Variants in RBFOX1 observed in about 807,000 individuals in gnomAD.
RBFOX1 encodes RNA binding protein fox-1 homolog 1.
A neutral mutation model predicts 57.7 loss-of-function variants in RBFOX1; 8 were observed. The observed-to-expected ratio is 0.14, with a 90% CI of 0.08 to 0.25. RBFOX1 has a LOEUF of 0.25. RBFOX1 is among the 10% of genes least tolerant of loss of function. The pLI is 1.00. For synonymous variants in RBFOX1, 326 were observed against 222.4 expected (o/e 1.47, Z -4.15); for missense variants, 611 against 548.5 (o/e 1.11, Z -1.14).
At chr16:6,007,556 G>C (rs1190734700) in intron 4 of RBFOX1, among the ~76,000 whole-genome samples, 1 of 152,210 alleles carries the variant, frequency 6.6e-6, no homozygotes, top group East Asian at 1.9e-4. Context: ...CTGACCCATA[G>C]GCACTGTGAG....
At chr16:5,727,468 C>T (rs1024931784) in intron 3 of RBFOX1, among the ~76,000 whole-genome samples, 36 of 152,108 alleles carry the variant, frequency 2.4e-4, no homozygotes, top group Non-Finnish European at 2.5e-4. Flanking sequence ...TACCCATTAC[C>T]TGACATAGTT....
chr16:7,581,709 C>T (rs540275797), intron 6 of RBFOX1, among the ~76,000 whole-genome samples: 8 of 152,174 alleles, frequency 5.3e-5, no homozygotes, highest in Admixed American at 4.6e-4. Flanking sequence ...TCCAAATCTA[C>T]TAGTTTCAGG....
rs186211049 is a variant in RBFOX1, at chr16:6,013,600, G to C, written c.351+146265G>C. On this transcript the variant is annotated intron_variant, in intron 4 of 19. Coordinates refer to the RBFOX1 transcript ENST00000641259. ...TCTGACACAAAACTGACTAAGTTTT[G>C]AGTCCCACTCTAACCACTAGCCAGC... Among the ~76,000 whole-genome samples the C allele has an allele frequency of 1.8e-3, 281 of 152,250 alleles. 3 individuals carry two copies. The highest frequency in any genetic ancestry group is 0.012 in the South Asian group (56 of 4,828).
At chr16:7,248,801 T>C (rs1475202971) in intron 4 of RBFOX1, among the ~76,000 whole-genome samples, 2 of 152,220 alleles carry the variant, frequency 1.3e-5, no homozygotes, top group African/African-American at 2.4e-5. Context: ...GAAAATGCTA[T>C]TTATAACAGT....
At chr16:5,273,988 A>T (rs1483690060) in intron 1 of RBFOX1, among the ~76,000 whole-genome samples, 2 of 152,190 alleles carry the variant, frequency 1.3e-5, no homozygotes, top group African/African-American at 2.4e-5. Context: ...GACATTTCCT[A>T]CATCCGGGTG....
At chr16:5,781,956 A>G (rs1432044973) in intron 3 of RBFOX1, among the ~76,000 whole-genome samples, 3 of 152,378 alleles carry the variant, frequency 2.0e-5, no homozygotes, top group South Asian at 2.1e-4. Flanking sequence ...CTGTAATCCC[A>G]GCACTTAGGG....
At chr16:7,311,076 CT>C (rs1002818482) in intron 4 of RBFOX1, among the ~76,000 whole-genome samples, 1 of 151,960 alleles carries the variant, frequency 6.6e-6, no homozygotes, top group Non-Finnish European at 1.5e-5. Flanking sequence ...CTTTGTGATG[CT>C]TTTTTTTCCA....
chr16:6,641,578 T>C (rs1013485557), intron 2 of RBFOX1, among the ~76,000 whole-genome samples: 11 of 151,572 alleles, frequency 7.3e-5, no homozygotes, highest in African/African-American at 2.7e-4. Context: ...CTACTAGAAA[T>C]ACAAAAGTTA....
intron 4 of RBFOX1, among the ~76,000 whole-genome samples, chr16:5,923,071 C>G (rs550321063): frequency 1.3e-5 from 2 of 152,142 alleles, no homozygotes; most frequent in Non-Finnish European, 2.9e-5. Flanking sequence ...TCACATTAAC[C>G]TCTTCCGCTG....
At chr16:5,860,930 G>A (rs1241596455) in intron 3 of RBFOX1, among the ~76,000 whole-genome samples, 3 of 152,180 alleles carry the variant, frequency 2.0e-5, no homozygotes, top group Admixed American at 2.0e-4. Flanking sequence ...GAGAGAGAAA[G>A]CTTCATTCTC....
intron 2 of RBFOX1, among the ~76,000 whole-genome samples, chr16:6,582,253 T>A (rs545485350): frequency 6.6e-6 from 1 of 152,232 alleles, no homozygotes; most frequent in Non-Finnish European, 1.5e-5. Context: ...GCTCATTGAA[T>A]TTATGATTAG....
chr16:5,792,303 A>G (rs953783474), intron 3 of RBFOX1, among the ~76,000 whole-genome samples: 1 of 152,166 alleles, frequency 6.6e-6, no homozygotes, highest in Non-Finnish European at 1.5e-5. Context: ...TAGATACACT[A>G]GAGAGACAAC....
At chr16:5,356,739 A>T (rs1230983531) in intron 1 of RBFOX1, among the ~76,000 whole-genome samples, 7 of 152,240 alleles carry the variant, frequency 4.6e-5, no homozygotes, top group African/African-American at 1.4e-4. Context: ...GTGGCCTAGA[A>T]TGCCTTGGAA....
intron 2 of RBFOX1, among the ~76,000 whole-genome samples, chr16:5,573,327 C>T (rs1245551968): frequency 6.6e-6 from 1 of 152,180 alleles, no homozygotes; most frequent in Non-Finnish European, 1.5e-5. Flanking sequence ...TGGTTCTTCT[C>T]CAGCTTTCTC....
intron 3 of RBFOX1, among the ~76,000 whole-genome samples, chr16:5,797,674 T>TA (rs1355861128): frequency 6.6e-6 from 1 of 152,230 alleles, no homozygotes; most frequent in Non-Finnish European, 1.5e-5. Context: ...TTTTGTTAGC[T>TA]AATCAAAGCC....
chr16:6,894,751 G>T (rs9972679), intron 3 of RBFOX1, among the ~76,000 whole-genome samples: 1 of 152,054 alleles, frequency 6.6e-6, no homozygotes, highest in Non-Finnish European at 1.5e-5. Context: ...TATCAGTTTA[G>T]TTCATTTTTT....
intron 4 of RBFOX1, among the ~76,000 whole-genome samples, chr16:7,281,239 G>C (rs1202103244): frequency 6.6e-6 from 1 of 151,876 alleles, no homozygotes; most frequent in Admixed American, 6.6e-5. Flanking sequence ...CTGAACTTAA[G>C]TGATCTGCCT....
At position 7,002,246 on chromosome 16, in the gene RBFOX1, G is replaced by T. The variant is rs188777029; in HGVS notation, c.-15-49811G>T. On this transcript the variant is annotated intron_variant, in intron 3 of 15. Coordinates refer to ENST00000550418, the MANE Select transcript of RBFOX1 (RefSeq NM_018723.4). Reference sequence around the variant, plus strand: ...GTCACTTGAGGCCCTGGATACAGCGGTGCATGAAGTTAATCTATCTACTTT... The same window carrying T: ...GTCACTTGAGGCCCTGGATACAGCGTTGCATGAAGTTAATCTATCTACTTT... 2.6e-5 allele frequency among the ~76,000 whole-genome samples: 4 copies of T among 152,302 alleles called. No homozygotes were observed. In the South Asian group the frequency reaches 6.2e-4, roughly 24 times the overall value.
chr16:7,201,068 A>T (rs1209721661), intron 4 of RBFOX1, among the ~76,000 whole-genome samples: 3 of 152,222 alleles, frequency 2.0e-5, no homozygotes. Context: ...TCAGTGTGGG[A>T]ATCACAAATA....
Sources: gnomAD v4.1 joint callset for allele counts (sites outside exome capture counted in the v4.1 genomes callset) on GRCh38, gnomAD v4.1.1 for gene constraint, MANE v1.5 for transcripts, NCBI Gene and HGNC (gene_info 2026-07-23, HGNC 2026-07-21) for gene names.